The following CCSER1 variants were observed in gnomAD, a reference collection of about 807,000 sequenced individuals.
CCSER1 encodes the protein coiled-coil serine rich protein 1.
CCSER1 carries 41 observed loss-of-function variants against 82.0 expected under a neutral mutation model. The ratio of observed to expected loss-of-function variants is 0.50; its 90% CI spans 0.39 to 0.65. The LOEUF (loss-of-function observed/expected upper bound fraction) is 0.65. Among genes scored for constraint, CCSER1 ranks in the 30% least tolerant of loss-of-function variants. CCSER1 has a pLI of 0.00. For synonymous variants in CCSER1, 414 were observed against 383.9 expected, an observed-to-expected ratio of 1.08 and a Z score of -0.92; for missense variants, 1,119 against 1,064.2, an observed-to-expected ratio of 1.05 and a Z score of -0.72.
chr4:91,461,780 C>A (rs1199195199), intron 10 of CCSER1, among the ~76,000 whole-genome samples: 1 of 152,108 alleles, frequency 6.6e-6, no homozygotes, highest in Non-Finnish European at 1.5e-5. Flanking sequence ...AAAAGGGTAT[C>A]TCTCAGTAAC....
chr4:91,474,158 G>C (rs1757432248), intron 10 of CCSER1, among the ~76,000 whole-genome samples: 1 of 151,908 alleles, frequency 6.6e-6, no homozygotes, highest in Admixed American at 6.6e-5. Context: ...ACTGGGATCA[G>C]AAGTTAAACA....
intron 8 of CCSER1, among the ~76,000 whole-genome samples, chr4:90,879,861 A>C (rs1445454265): frequency 6.6e-6 from 1 of 152,146 alleles, no homozygotes; most frequent in Non-Finnish European, 1.5e-5. Flanking sequence ...GAGTCAATAG[A>C]TACAGTATAG....
intron 10 of CCSER1, among the ~76,000 whole-genome samples, chr4:91,399,461 ATTTT>A (rs1400773365): frequency 6.6e-6 from 1 of 151,966 alleles, no homozygotes; most frequent in Non-Finnish European, 1.5e-5. Context: ...AAACACTTCA[ATTTT>A]TATCCCTATA....
At chr4:90,622,632 T>C (rs1722535086) in intron 5 of CCSER1, among the ~76,000 whole-genome samples, 4 of 152,164 alleles carry the variant, frequency 2.6e-5, no homozygotes, top group Admixed American at 2.6e-4. Flanking sequence ...TTCCATGGTG[T>C]ATATGTGCCA....
At chr4:91,579,688 G>C (rs1394855739) in intron 10 of CCSER1, among the ~76,000 whole-genome samples, 1 of 151,626 alleles carries the variant, frequency 6.6e-6, no homozygotes, top group Non-Finnish European at 1.5e-5. Context: ...CTTACTGAAT[G>C]AAAGAAAAAT....
chr4:90,920,316 A>G (rs997196226), intron 8 of CCSER1, among the ~76,000 whole-genome samples: 1 of 151,968 alleles, frequency 6.6e-6, no homozygotes, highest in African/African-American at 2.4e-5. Context: ...TTATAAAATC[A>G]TATTTTGAAA....
intron 9 of CCSER1, among the ~76,000 whole-genome samples, chr4:90,963,905 T>C (rs536250030): frequency 8.1e-4 from 124 of 152,324 alleles, no homozygotes; most frequent in African/African-American, 3.0e-3. Context: ...TGTCAAATAT[T>C]CTTTTTATTT....
intron 10 of CCSER1, among the ~76,000 whole-genome samples, chr4:91,459,075 A>T (rs1756357431): frequency 6.6e-6 from 1 of 152,244 alleles, no homozygotes; most frequent in African/African-American, 2.4e-5. Context: ...ATTAAAAATC[A>T]ATTTTAAATA....
intron 1 of CCSER1, among the ~76,000 whole-genome samples, chr4:90,149,676 C>A (rs948392082): frequency 5.3e-5 from 8 of 152,098 alleles, no homozygotes; most frequent in Admixed American, 1.3e-4. Context: ...ATAATCTAAA[C>A]CATGATACTT....
At chr4:90,546,406 G>A (rs1464784417) in intron 5 of CCSER1, among the ~76,000 whole-genome samples, 2 of 152,080 alleles carry the variant, frequency 1.3e-5, no homozygotes, top group Non-Finnish European at 2.9e-5. Context: ...TTCATTGTGT[G>A]CAGTTGATAT....
intron 5 of CCSER1, among the ~76,000 whole-genome samples, chr4:90,503,854 A>G (rs114853438): frequency 0.015 from 2,269 of 152,154 alleles, 53 homozygotes; most frequent in African/African-American, 0.052. Flanking sequence ...CTTTTTATAA[A>G]CCTTATCATG....
chr4:90,255,475 G>T (rs188771550), intron 1 of CCSER1, among the ~76,000 whole-genome samples: 2 of 152,192 alleles, frequency 1.3e-5, no homozygotes, highest in Admixed American at 1.3e-4. Context: ...AATACAGATT[G>T]TTATAAATTA....
chr4:90,589,892 T>G (rs2148682495), intron 5 of CCSER1, among the ~76,000 whole-genome samples: 1 of 152,352 alleles, frequency 6.6e-6, no homozygotes, highest in African/African-American at 2.4e-5. Flanking sequence ...TTTTCCTTAT[T>G]TTGAAAAACT....
chr4:91,052,688 A>G (rs977076812), intron 9 of CCSER1, among the ~76,000 whole-genome samples: 4 of 152,132 alleles, frequency 2.6e-5, no homozygotes, highest in African/African-American at 9.6e-5. Context: ...CTGTCTATGG[A>G]TAGAGATAGA....
At chr4:90,314,457 T>C (rs1357434518) in intron 3 of CCSER1, among the ~76,000 whole-genome samples, 1 of 152,156 alleles carries the variant, frequency 6.6e-6, no homozygotes, top group African/African-American at 2.4e-5. Flanking sequence ...ATTAATAGGG[T>C]TACACTATTC....
intron 10 of CCSER1, among the ~76,000 whole-genome samples, chr4:91,392,155 C>A (rs1385302326): frequency 6.6e-6 from 1 of 151,990 alleles, no homozygotes; most frequent in African/African-American, 2.4e-5. Flanking sequence ...TATTTTGCAT[C>A]TCAGGGTAAA....
At chr4:90,157,890 C>T (rs1229805618) in intron 1 of CCSER1, among the ~76,000 whole-genome samples, 3 of 152,198 alleles carry the variant, frequency 2.0e-5, no homozygotes, top group Admixed American at 1.3e-4. Flanking sequence ...AGTCATTCTC[C>T]GTCCAGCTTT....
At chr4:90,693,790 G>T (rs976177968) in intron 6 of CCSER1, among the ~76,000 whole-genome samples, 5 of 151,400 alleles carry the variant, frequency 3.3e-5, no homozygotes, top group African/African-American at 9.7e-5. Flanking sequence ...CTGAAGTTAG[G>T]CTATCAAAGA....
At chr4:91,443,406 C>G (rs1755330450) in intron 10 of CCSER1, among the ~76,000 whole-genome samples, 1 of 148,358 alleles carries the variant, frequency 6.7e-6, no homozygotes, top group Admixed American at 6.9e-5. Flanking sequence ...ATCGCAAGGA[C>G]AAAAAACCAA....
Sources: gnomAD v4.1 joint callset for allele counts (sites outside exome capture counted in the v4.1 genomes callset) on GRCh38, gnomAD v4.1.1 for gene constraint, MANE v1.5 for transcripts, NCBI Gene and HGNC (gene_info 2026-07-23, HGNC 2026-07-21) for gene names.